Variants in SP4 observed in about 807,000 individuals in gnomAD.
SP4 encodes the protein Sp4 transcription factor.
A neutral mutation model predicts 72.8 loss-of-function variants in SP4; 19 were observed. The observed-to-expected ratio is 0.26, with a 90% CI of 0.18 to 0.38. The LOEUF is 0.38. SP4 is among the 10% of genes least tolerant of loss of function. The probability of loss-of-function intolerance (pLI) is 1.00; values close to 1 mark genes in which losing one functional copy is unlikely to be tolerated. For synonymous variants in SP4, 395 were observed against 333.1 expected (o/e 1.19, Z -2.02); for missense variants, 1,008 against 926.3 (o/e 1.09, Z -1.14).
At chr7:21,469,423 C>A (rs1784261985) in intron 3 of SP4, among the ~76,000 whole-genome samples, 1 of 151,678 alleles carries the variant, frequency 6.6e-6, no homozygotes, top group Admixed American at 6.6e-5. Context: ...TTCTTAAAAT[C>A]AGAAGAAAAA....
chr7:21,429,356 A>G lies in SP4; in HGVS notation c.191A>G (p.Asn64Ser), dbSNP rs1288559871. 1 of 1,613,836 alleles carries G rather than the reference A, an allele frequency of 6.2e-7. No individual in the cohort carries two copies. Among genetic ancestry groups the G allele is most frequent in the Middle Eastern group, 1.6e-4 (1 of 6,062 alleles). Residue 64 changes from asparagine (N) to serine (S), a missense_variant, in exon 3 of 6, where the codon AAT becomes AGT. This residue lies in a region of SP4 where 893 missense variants were observed against 743.3 expected (regional missense o/e 1.20). Coordinates refer to ENST00000222584, the MANE Select transcript of SP4 (RefSeq NM_003112.5). ...AGCAAAATAGGGACTCCTGGTGAAA[A>G]TCAAGCAACTGGACAACAACAAATT... ...TCSKIGTPGE[N>S]QATGQQQIII...
At chr7:21,452,652 GATT>G (rs1783635079) in intron 3 of SP4, among the ~76,000 whole-genome samples, 1 of 152,114 alleles carries the variant, frequency 6.6e-6, no homozygotes. Context: ...AAAGAAAACA[GATT>G]TTATTGCACT....
intron 3 of SP4, among the ~76,000 whole-genome samples, chr7:21,432,748 C>CT (rs1399860775): frequency 6.6e-6 from 1 of 151,992 alleles, no homozygotes; most frequent in Non-Finnish European, 1.5e-5. Flanking sequence ...AATCCCAACA[C>CT]TTTGGGAGGC....
intron 3 of SP4, among the ~76,000 whole-genome samples, chr7:21,455,019 T>C (rs1363561159): frequency 6.6e-6 from 1 of 152,180 alleles, no homozygotes; most frequent in Non-Finnish European, 1.5e-5. Flanking sequence ...ATCTAGAGTT[T>C]CCCTTGGCTT....
At chr7:21,450,904 T>C (rs970873802) in intron 3 of SP4, among the ~76,000 whole-genome samples, 2 of 152,314 alleles carry the variant, frequency 1.3e-5, no homozygotes, top group South Asian at 2.1e-4. Context: ...TTAAAAAGTT[T>C]TAGGGCAGGA....
chr7:21,439,219 A>T (rs9639376), intron 3 of SP4, among the ~76,000 whole-genome samples: 5 of 152,312 alleles, frequency 3.3e-5, no homozygotes, highest in African/African-American at 1.2e-4. Flanking sequence ...TTAGAGAACA[A>T]TTGGAAAATC....
chr7:21,488,904 G>A (rs1784898416), intron 5 of SP4, among the ~76,000 whole-genome samples: 1 of 152,098 alleles, frequency 6.6e-6, no homozygotes. Context: ...ATATTTTATT[G>A]TAGATACTTT....
intron 3 of SP4, among the ~76,000 whole-genome samples, chr7:21,434,220 G>A (rs1036529242): frequency 6.6e-6 from 1 of 152,166 alleles, no homozygotes; most frequent in African/African-American, 2.4e-5. Flanking sequence ...TTGACGGAAT[G>A]TAATTGCTAG....
At chr7:21,467,763 T>A (rs1784213140) in intron 3 of SP4, among the ~76,000 whole-genome samples, 1 of 152,098 alleles carries the variant, frequency 6.6e-6, no homozygotes, top group South Asian at 2.1e-4. Context: ...TAAGAATCAT[T>A]TTAGTATTAT....
intron 1 of SP4, 116 bp from the exon 2 acceptor site, chr7:21,428,561 G>A (rs1782707266): frequency 1.9e-6 from 2 of 1,060,432 alleles, no homozygotes; most frequent in African/African-American, 3.2e-5. Context: ...CGTGGATCGC[G>A]GGTTTATGGA....
intron 3 of SP4, among the ~76,000 whole-genome samples, chr7:21,454,016 A>T (rs1783678946): frequency 6.6e-6 from 1 of 152,206 alleles, no homozygotes; most frequent in East Asian, 1.9e-4. Flanking sequence ...CTTTACTTAC[A>T]TGTTTTACAT....
chr7:21,446,179 C>T (rs546418122), intron 3 of SP4, among the ~76,000 whole-genome samples: 2 of 152,144 alleles, frequency 1.3e-5, no homozygotes, highest in East Asian at 1.9e-4. Flanking sequence ...TTCTCCCGCA[C>T]CTTCACTATA....
At chr7:21,468,643 T>C (rs1195357588) in intron 3 of SP4, among the ~76,000 whole-genome samples, 1 of 152,012 alleles carries the variant, frequency 6.6e-6, no homozygotes. Context: ...ATTTGTTGAT[T>C]TTTCTATAGT....
chr7:21,446,591 G>C (rs1330894874), intron 3 of SP4, among the ~76,000 whole-genome samples: 1 of 152,148 alleles, frequency 6.6e-6, no homozygotes, highest in Non-Finnish European at 1.5e-5. Flanking sequence ...TGAAATACTT[G>C]AGGTACTTTC....
At chr7:21,428,290 C>T (rs973665776) in intron 1 of SP4, 32 bp downstream of exon 1, 2 of 1,313,046 alleles carry the variant, frequency 1.5e-6, no homozygotes, top group South Asian at 2.5e-5. Context: ...CAGTCTCCTT[C>T]GCCGCCTCCC....
Position 21,428,202 on chromosome 7 carries a change from C to CCCCCCCCCA in SP4, c.-49_-48insCCCCCCCAC. On this transcript the variant is annotated 5_prime_UTR_variant, in exon 1 of 6. Coordinates refer to ENST00000222584, the MANE Select transcript of SP4 (RefSeq NM_003112.5). The stretch of plus-strand genomic sequence containing the variant: ...CCTCCCGCCTCGCCCCCACCCCCAC[C>CCCCCCCCCA]CACCTCTATCCCAGTGTCTCCGTCT... 4 of 1,206,786 alleles carry CCCCCCCCCA rather than the reference C, an allele frequency of 3.3e-6. No individual in the cohort carries two copies. The highest frequency in any genetic ancestry group is 2.9e-5 in the East Asian group (1 of 34,948). The allele number at this position is 1,206,786 out of a possible 1,614,324, so 74.8% of individuals were successfully genotyped here. A position where few individuals can be genotyped will look rare whatever the true frequency, so the allele number is the denominator to read the frequency against.
chr7:21,437,435 AATT>A (rs775974584), intron 3 of SP4, among the ~76,000 whole-genome samples: 3 of 152,148 alleles, frequency 2.0e-5, no homozygotes, highest in Admixed American at 6.5e-5. Flanking sequence ...GAAAAGTGGT[AATT>A]ATTATTCACC....
At chr7:21,448,055 G>A (rs192504509) in intron 3 of SP4, among the ~76,000 whole-genome samples, 3 of 152,066 alleles carry the variant, frequency 2.0e-5, no homozygotes, top group South Asian at 2.1e-4. Flanking sequence ...ATGACCCCCC[G>A]TGAAGAATTT....
chr7:21,465,754 G>T (rs1048541539), intron 3 of SP4, among the ~76,000 whole-genome samples: 10 of 152,100 alleles, frequency 6.6e-5, no homozygotes, highest in African/African-American at 2.2e-4. Flanking sequence ...TTGTCCTACT[G>T]GAGAGGGCTG....
Sources: gnomAD v4.1 joint callset for allele counts (sites outside exome capture counted in the v4.1 genomes callset) on GRCh38, gnomAD v4.1.1 for gene constraint, gnomAD v4.1.1 regional missense constraint, MANE v1.5 for transcripts, NCBI Gene and HGNC (gene_info 2026-07-23, HGNC 2026-07-21) for gene names.